ATXN1: variants seen among roughly 807,000 people sequenced by gnomAD.
ATXN1 encodes the protein ataxin-1.
In ATXN1, 8 loss-of-function variants were observed where a neutral mutation model predicts 56.4. That is an observed-to-expected ratio of 0.14 (90% CI 0.08 to 0.26). ATXN1 has a LOEUF of 0.26. Ranked by LOEUF, ATXN1 falls within the 10% of genes least tolerant of loss-of-function variation. The probability of loss-of-function intolerance (pLI) is 1.00; values close to 1 mark genes in which losing one functional copy is unlikely to be tolerated. For synonymous variants in ATXN1, 514 were observed against 494.6 expected, an observed-to-expected ratio of 1.04 and a Z score of -0.52; for missense variants, 987 against 1,106.5, an observed-to-expected ratio of 0.89 and a Z score of 1.53.
At chr6:16,530,460 A>G (rs1761482106) in intron 4 of ATXN1, among the ~76,000 whole-genome samples, 1 of 152,200 alleles carries the variant, frequency 6.6e-6, no homozygotes, top group African/African-American at 2.4e-5. Flanking sequence ...TTAAGGGTTC[A>G]TTTTCCTTTT....
intron 7 of ATXN1, among the ~76,000 whole-genome samples, chr6:16,321,062 G>C (rs1760638806): frequency 6.6e-6 from 1 of 152,202 alleles, no homozygotes. Context: ...AAGCAGGGAA[G>C]GGAAAACTAA....
At chr6:16,574,266 C>T (rs1762382316) in intron 4 of ATXN1, among the ~76,000 whole-genome samples, 1 of 152,194 alleles carries the variant, frequency 6.6e-6, no homozygotes, top group African/African-American at 2.4e-5. Context: ...CATGCAGTGG[C>T]GCGATCTCGG....
At chr6:16,346,911 G>A (rs1309625265) in intron 6 of ATXN1, among the ~76,000 whole-genome samples, 1 of 152,246 alleles carries the variant, frequency 6.6e-6, no homozygotes, top group Non-Finnish European at 1.5e-5. Flanking sequence ...CCCGGGCTGC[G>A]CGCGTTGCTT....
chr6:16,565,897 A>G (rs1762207685), intron 4 of ATXN1, among the ~76,000 whole-genome samples: 1 of 152,216 alleles, frequency 6.6e-6, no homozygotes, highest in Non-Finnish European at 1.5e-5. Context: ...AGGAAAGCAC[A>G]TCCGGCAAGT....
intron 6 of ATXN1, among the ~76,000 whole-genome samples, chr6:16,374,276 A>G (rs2113495656): frequency 6.6e-6 from 1 of 152,358 alleles, no homozygotes; most frequent in South Asian, 2.1e-4. Context: ...AGTATGCTCG[A>G]TTAGCAAGCT....
chr6:16,731,961 C>G (rs750659421), intron 2 of ATXN1, among the ~76,000 whole-genome samples: 8 of 152,122 alleles, frequency 5.3e-5, no homozygotes, highest in Non-Finnish European at 8.8e-5. Flanking sequence ...ATAGTAATAG[C>G]TGTCACAGAA....
At chr6:16,739,391 C>T (rs556704400) in intron 2 of ATXN1, 42 of 156,382 alleles carry the variant, frequency 2.7e-4, no homozygotes, top group African/African-American at 9.6e-4. Context: ...AGATCTGTGG[C>T]GAGAGACAGG....
intron 1 of ATXN1, among the ~76,000 whole-genome samples, chr6:16,758,901 G>A (rs933526276): frequency 2.6e-5 from 4 of 152,222 alleles, no homozygotes; most frequent in African/African-American, 4.8e-5. Context: ...AGCGCTAGCC[G>A]TTATGGTGCA....
chr6:16,635,763 T>C (rs960799928), intron 3 of ATXN1, among the ~76,000 whole-genome samples: 2 of 152,188 alleles, frequency 1.3e-5, no homozygotes, highest in African/African-American at 2.4e-5. Context: ...AAATCCACTG[T>C]AGCCAGAAGC....
At position 16,319,045 on chromosome 6, in the gene ATXN1, C is replaced by T. The variant is rs114002033; in HGVS notation, c.1917+7349G>A. On this transcript the variant is annotated intron_variant, in intron 7 of 7. Transcript: ENST00000436367. ...CAGCCTGGGCAACATGGCAAGACCC[C>T]GTCTCTACAAAAAAATAGAAAAATT... Among the ~76,000 whole-genome samples, 711 of 151,818 alleles carry T rather than the reference C, an allele frequency of 4.7e-3. 5 individuals are homozygous for T. The highest frequency in any genetic ancestry group is 8.5e-3 in the Non-Finnish European group (577 of 67,898).
At chr6:16,578,322 T>C (rs1345787032) in intron 4 of ATXN1, among the ~76,000 whole-genome samples, 1 of 152,256 alleles carries the variant, frequency 6.6e-6, no homozygotes, top group Non-Finnish European at 1.5e-5. Context: ...AATCTTCCTT[T>C]TGCTTTTTAA....
chr6:16,479,515 A>G (rs959402746), intron 6 of ATXN1, among the ~76,000 whole-genome samples: 3 of 152,214 alleles, frequency 2.0e-5, no homozygotes, highest in Non-Finnish European at 4.4e-5. Flanking sequence ...CTTTTACAAA[A>G]GTGAAAAATT....
At chr6:16,446,527 T>G (rs1183872364) in intron 6 of ATXN1, among the ~76,000 whole-genome samples, 3 of 152,234 alleles carry the variant, frequency 2.0e-5, no homozygotes, top group Non-Finnish European at 4.4e-5. Context: ...GAATCAGAAT[T>G]CCTGGGAGTG....
At chr6:16,623,426 G>A (rs770996224) in intron 3 of ATXN1, among the ~76,000 whole-genome samples, 9 of 152,114 alleles carry the variant, frequency 5.9e-5, no homozygotes, top group South Asian at 4.1e-4. Context: ...TCCATCTATC[G>A]CTTTGGTCAA....
intron 2 of ATXN1, among the ~76,000 whole-genome samples, chr6:16,662,177 C>T (rs1758333081): frequency 6.6e-6 from 1 of 152,158 alleles, no homozygotes; most frequent in African/African-American, 2.4e-5. Context: ...CATCTGACTC[C>T]AGAAACCAGG....
At chr6:16,439,322 T>A (rs1210408053) in intron 6 of ATXN1, among the ~76,000 whole-genome samples, 3 of 111,924 alleles carry the variant, frequency 2.7e-5, no homozygotes, top group African/African-American at 1.0e-4. Context: ...TTTTCAGAGC[T>A]AGAGACTTCT....
At chr6:16,686,240 T>A (rs553100950) in intron 2 of ATXN1, among the ~76,000 whole-genome samples, 1 of 152,208 alleles carries the variant, frequency 6.6e-6, no homozygotes, top group African/African-American at 2.4e-5. Context: ...GAGTCTTAAA[T>A]TTTAAAACCA....
chr6:16,640,929 G>C (rs1257139348), intron 3 of ATXN1, among the ~76,000 whole-genome samples: 2 of 152,214 alleles, frequency 1.3e-5, no homozygotes. Flanking sequence ...AAAATTAAAA[G>C]TGCTACTCCA....
chr6:16,367,840 G>C (rs1248437103), intron 6 of ATXN1, among the ~76,000 whole-genome samples: 4 of 152,106 alleles, frequency 2.6e-5, no homozygotes, highest in East Asian at 1.9e-4. Flanking sequence ...TTGGAAAGGG[G>C]GTAGGTCCTT....
Sources: gnomAD v4.1 joint callset for allele counts (sites outside exome capture counted in the v4.1 genomes callset) on GRCh38, gnomAD v4.1.1 for gene constraint, MANE v1.5 for transcripts, NCBI Gene and HGNC (gene_info 2026-07-23, HGNC 2026-07-21) for gene names.